Variants in ARID1B observed in about 807,000 individuals in gnomAD.
The protein encoded by ARID1B is AT-rich interaction domain 1B.
In ARID1B, 30 loss-of-function variants were observed where a neutral mutation model predicts 212.3. The observed-to-expected ratio is 0.14, with a 90% CI of 0.11 to 0.19. The LOEUF (loss-of-function observed/expected upper bound fraction) is 0.19. Ranked by LOEUF, ARID1B falls within the 10% of genes least tolerant of loss-of-function variation. The probability of loss-of-function intolerance (pLI) is 1.00; values close to 1 mark genes in which losing one functional copy is unlikely to be tolerated. For synonymous variants in ARID1B, 1,402 were observed against 1,301.7 expected (o/e 1.08, Z -1.66); for missense variants, 2,891 against 3,204.0 (o/e 0.90, Z 2.36).
intron 1 of ARID1B, among the ~76,000 whole-genome samples, chr6:156,807,088 C>G (rs1160827427): frequency 2.0e-5 from 3 of 152,196 alleles, no homozygotes; most frequent in East Asian, 3.8e-4. Flanking sequence ...GCTTGCCAAC[C>G]CCTGGACAGC....
chr6:156,812,480 T>C (rs1009203528), intron 1 of ARID1B, among the ~76,000 whole-genome samples: 3 of 152,196 alleles, frequency 2.0e-5, no homozygotes, highest in African/African-American at 4.8e-5. Flanking sequence ...TTTATAAGCT[T>C]ATTTTTGCAG....
intron 4 of ARID1B, among the ~76,000 whole-genome samples, chr6:156,949,591 CTT>C (rs1793427568): frequency 6.6e-6 from 1 of 152,186 alleles, no homozygotes; most frequent in African/African-American, 2.4e-5. Context: ...GCGGCTGACT[CTT>C]GTCTAAATCA....
In ARID1B at chr6:156,970,049, TTG is replaced by T. The variant is rs773148996; in HGVS notation, c.2247+34475_2247+34476del. Among the ~76,000 whole-genome samples the T allele has an allele frequency of 2.1e-3, 278 of 133,306 alleles. 1 individual carries two copies. Among genetic ancestry groups the T allele is most frequent in the Non-Finnish European group, 3.7e-3 (219 of 58,560 alleles). 87.5% of individuals were successfully genotyped at this position (133,306 alleles called of 152,430 possible). On this transcript the variant is annotated intron_variant, in intron 4 of 19. Transcript: ENST00000636930. ...ATTATTAAGAATAAAAGCTTTGACT[TTG>T]TTTTTTTTGTGTGTTTTGTTTGTTG...
Position 157,004,890 on chromosome 6 carries a change from C to CTTTTTTG in ARID1B, c.2247+69320_2247+69321insGTTTTTT, listed in dbSNP as rs1779118895. On this transcript the variant is annotated intron_variant, in intron 4 of 19. Transcript: ENST00000636930. ...GCATTTCTTTTTTCTTTTTCTTCTT[C>CTTTTTTG]TTTTTTCTTTTTTTTTTTTTTTTTT... Among the ~76,000 whole-genome samples the CTTTTTTG allele has an allele frequency of 2.2e-3, 78 of 35,684 alleles. 17 individuals are homozygous for CTTTTTTG. Among genetic ancestry groups the CTTTTTTG allele is most frequent in the African/African-American group, 2.5e-3 (38 of 15,396 alleles). The allele number at this position is 35,684 out of a possible 152,430, so 23.4% of individuals were successfully genotyped here. A position where few individuals can be genotyped will look rare whatever the true frequency, so the allele number is the denominator to read the frequency against.
At chr6:156,787,460 C>G (rs924714557) in intron 1 of ARID1B, among the ~76,000 whole-genome samples, 2 of 152,082 alleles carry the variant, frequency 1.3e-5, no homozygotes, top group East Asian at 1.9e-4. Flanking sequence ...TATTTCATAG[C>G]CTTATATTGA....
chr6:156,829,096 A>G lies in ARID1B; in HGVS notation c.1792-131A>G, dbSNP rs12206233. 108,041 of 700,400 alleles carry G rather than the reference A, an allele frequency of 0.15. 10,029 individuals are homozygous for G. The highest frequency in any genetic ancestry group is 0.19 in the Non-Finnish European group (81,244 of 437,612). The allele number at this position is 700,400 out of a possible 1,614,324, so 43.4% of individuals were successfully genotyped here. On this transcript the variant is annotated intron_variant, in intron 1 of 19. Coordinates refer to ENST00000636930, the MANE Select transcript of ARID1B (RefSeq NM_001374828.1). ...TTAATGTCTTGCTGGATGTTTTGTC[A>G]GGTCATTGTTTTTAATATTTTTAAA...
intron 3 of ARID1B, among the ~76,000 whole-genome samples, chr6:156,903,168 A>G (rs556253702): frequency 5.3e-5 from 8 of 152,346 alleles, no homozygotes; most frequent in African/African-American, 1.9e-4. Context: ...GCACATGGCA[A>G]TTAGTTATTT....
chr6:157,198,498 G>A (rs1044425542), intron 16 of ARID1B: 9 of 315,840 alleles, frequency 2.8e-5, no homozygotes, highest in South Asian at 2.3e-4. Flanking sequence ...GCGGGGCTGC[G>A]GCCTCCAAGC....
chr6:156,987,643 G>A (rs1278797540), intron 4 of ARID1B, among the ~76,000 whole-genome samples: 3 of 152,136 alleles, frequency 2.0e-5, no homozygotes, highest in African/African-American at 7.2e-5. Flanking sequence ...TGCTAGTTTT[G>A]TGCCTGTATT....
intron 4 of ARID1B, among the ~76,000 whole-genome samples, chr6:156,983,768 TG>T (rs1257186883): frequency 6.6e-6 from 1 of 152,092 alleles, no homozygotes; most frequent in Admixed American, 6.5e-5. Context: ...GGAAGAGGGA[TG>T]ATGGTGGTCA....
rs570445785 is a variant in ARID1B, at chr6:157,009,292, C to T, written c.2247+73716C>T. Among the ~76,000 whole-genome samples the T allele has an allele frequency of 3.3e-5, 5 of 152,244 alleles. 1 individual carries two copies. The South Asian group carries it at 8.3e-4, about 25-fold the overall frequency. ...AAGTGAGGCTTCAAGGTGGTAATGG[C>T]GTGCAAGTCAGTGTTTTTGAGCAGA... is the stretch of plus-strand genomic sequence containing the variant. On this transcript the variant is annotated intron_variant, in intron 4 of 19. Coordinates refer to ENST00000636930, the MANE Select transcript of ARID1B (RefSeq NM_001374828.1).
chr6:157,095,858 A>T (rs935105376), intron 5 of ARID1B, among the ~76,000 whole-genome samples: 2 of 151,602 alleles, frequency 1.3e-5, no homozygotes, highest in African/African-American at 4.8e-5. Context: ...AAGGCAAAAA[A>T]AAGTATCACA....
chr6:156,839,715 G>A (rs1243652759), intron 2 of ARID1B, among the ~76,000 whole-genome samples: 1 of 152,146 alleles, frequency 6.6e-6, no homozygotes, highest in African/African-American at 2.4e-5. Context: ...CAGGAATGGC[G>A]GTTAAGGGGT....
Position 157,119,273 on chromosome 6 carries a change from C to T in ARID1B, c.2581+8712C>T, listed in dbSNP as rs146193655. Among the ~76,000 whole-genome samples the T allele has an allele frequency of 2.2e-3, 332 of 152,258 alleles. 1 individual carries two copies. The highest frequency in any genetic ancestry group is 7.6e-3 in the African/African-American group (316 of 41,532). Reference sequence around the variant, plus strand: ...GTTCCTCCTGTCCCCAGCCTCATGCCTTTGAGATCATATTCCACCTCCTCA... The same window carrying T: ...GTTCCTCCTGTCCCCAGCCTCATGCTTTTGAGATCATATTCCACCTCCTCA... On this transcript the variant is annotated intron_variant, in intron 6 of 19. Coordinates refer to ENST00000636930, the MANE Select transcript of ARID1B (RefSeq NM_001374828.1).
rs1341678486 is a variant in ARID1B at position 157,210,442 on chromosome 6, G to A, written c.*2551G>A. ...TTATGGTTTGCATTGTAACCGATACGCAGAGTCTGACCGTTGGGCAACAAG... is the reference window on the plus strand; with the variant it reads ...TTATGGTTTGCATTGTAACCGATACACAGAGTCTGACCGTTGGGCAACAAG... On this transcript the variant is annotated 3_prime_UTR_variant, in exon 20 of 20. Transcript: ENST00000636930. 2 of 230,610 alleles carry A rather than the reference G, an allele frequency of 8.7e-6. No homozygotes were observed. Among genetic ancestry groups the A allele is most frequent in the Non-Finnish European group, 1.7e-5 (2 of 116,750 alleles). The allele number at this position is 230,610 out of a possible 1,614,324, so 14.3% of individuals were successfully genotyped here. A position where few individuals can be genotyped will look rare whatever the true frequency, so the allele number is the denominator to read the frequency against.
intron 5 of ARID1B, among the ~76,000 whole-genome samples, chr6:157,087,949 C>T (rs1437447007): frequency 1.3e-5 from 2 of 152,224 alleles, no homozygotes; most frequent in African/African-American, 4.8e-5. Flanking sequence ...TAGCTGAACA[C>T]TTAGCCCCTG....
chr6:156,963,858 C>A (rs1794564888), intron 4 of ARID1B, among the ~76,000 whole-genome samples: 1 of 152,198 alleles, frequency 6.6e-6, no homozygotes, highest in Non-Finnish European at 1.5e-5. Flanking sequence ...AGAGGCAGGA[C>A]ATACAATAAT....
At chr6:156,976,183 T>C (rs1478721808) in intron 4 of ARID1B, 1 of 152,798 alleles carries the variant, frequency 6.5e-6, no homozygotes, top group Non-Finnish European at 1.5e-5. Flanking sequence ...CTATTTTCAC[T>C]TTTGTGAATC....
rs555155642 is a variant in ARID1B at position 156,947,382 on chromosome 6, A to G, written c.2247+11806A>G. Among the ~76,000 whole-genome samples, 353 of 152,028 alleles carry G rather than the reference A, an allele frequency of 2.3e-3. 1 individual carries two copies. Among genetic ancestry groups the G allele is most frequent in the Admixed American group, 3.8e-3 (58 of 15,276 alleles). On this transcript the variant is annotated intron_variant, in intron 4 of 19. Coordinates refer to ENST00000636930, the MANE Select transcript of ARID1B (RefSeq NM_001374828.1). ...CCTCCTTCTCTGAAACTTTTTGGGG[A>G]TATAGGTATGTATGGCATAGTCTAC...
Sources: gnomAD v4.1 joint callset for allele counts (sites outside exome capture counted in the v4.1 genomes callset) on GRCh38, gnomAD v4.1.1 for gene constraint, MANE v1.5 for transcripts, NCBI Gene and HGNC (gene_info 2026-07-23, HGNC 2026-07-21) for gene names.